The following MSH4 variants were observed in gnomAD, a reference collection of about 807,000 sequenced individuals.
The protein encoded by MSH4 is mutS protein homolog 4.
MSH4 carries 106 observed loss-of-function variants against 113.7 expected under a neutral mutation model. That is an observed-to-expected ratio of 0.93 (90% CI 0.80 to 1.10). The LOEUF (loss-of-function observed/expected upper bound fraction) is 1.10. Ranked by LOEUF, MSH4 falls within the 50% of genes least tolerant of loss-of-function variation. The pLI is 0.00. For missense variants in MSH4, 1,061 were observed against 1,093.7 expected, an observed-to-expected ratio of 0.97 and a Z score of 0.42; for synonymous variants, 368 against 380.2, an observed-to-expected ratio of 0.97 and a Z score of 0.37.
intron 2 of MSH4, among the ~76,000 whole-genome samples, chr1:75,805,584 G>T (rs936683525): frequency 6.7e-6 from 1 of 150,032 alleles, no homozygotes; most frequent in Middle Eastern, 3.5e-3. Context: ...ATGGGGTTTC[G>T]CCATGTTGGC....
At chr1:75,815,219 A>G in intron 5 of MSH4, 83 bp downstream of exon 5, 3 of 726,996 alleles carry the variant, frequency 4.1e-6, no homozygotes, top group Non-Finnish European at 6.5e-6. Flanking sequence ...AGGAAAGTAA[A>G]TAAATCTCCA....
At chr1:75,808,187 AGGTTGTCCCT>A (rs1036562877) in intron 3 of MSH4, among the ~76,000 whole-genome samples, 1 of 152,208 alleles carries the variant, frequency 6.6e-6, no homozygotes, top group African/African-American at 2.4e-5. Context: ...CAAAAGACTT[AGGTTGTCCCT>A]GGTGGTATTT....
rs892975943 is a variant in MSH4 at position 75,880,170 on chromosome 1, T to A, written c.1781+17T>A. 4.7e-6 allele frequency: 6 copies of A among 1,286,076 alleles called. No homozygotes were observed. In the African/African-American group the frequency reaches 9.1e-5, roughly 19 times the overall value. 79.7% of individuals were successfully genotyped at this position (1,286,076 alleles called of 1,614,324 possible). Reference sequence around the variant, plus strand: ...GACTTATATGTAAGAGCATTTGAAGTATTTGAATATTGAATTAAATTGGTT... The same window carrying A: ...GACTTATATGTAAGAGCATTTGAAGAATTTGAATATTGAATTAAATTGGTT... On this transcript the variant is annotated intron_variant, in intron 13 of 19. Coordinates refer to ENST00000263187, the MANE Select transcript of MSH4 (RefSeq NM_002440.4).
In MSH4 at chr1:75,797,043, T is replaced by C; in HGVS notation, c.58T>C (p.Ser20Pro). The change falls in exon 1 of 20, where the codon TCG becomes CCG. Residue 20 changes from serine (S) to proline (P), a missense_variant. Physicochemically the swap from Ser to Pro is moderately conservative, Grantham distance 74. Coordinates refer to ENST00000263187, the MANE Select transcript of MSH4 (RefSeq NM_002440.4). ...SPSAPAVSPSSGETRSPQGPR... is the reference protein window; with the variant it reads ...SPSAPAVSPSPGETRSPQGPR... ...TTCTGCCCCGGCGGTTTCCCCGTCG[T>C]CGGGAGAAACCCGCTCACCTCAGGG... The C allele has an allele frequency of 1.2e-6, 2 of 1,614,044 alleles. No individual in the cohort carries two copies. The highest frequency in any genetic ancestry group is 1.7e-6 in the Non-Finnish European group (2 of 1,179,956).
At chr1:75,848,167 T>C (rs763558769) in intron 7 of MSH4, 42 bp from the exon 8 acceptor site, 8 of 1,297,440 alleles carry the variant, frequency 6.2e-6, no homozygotes, top group Non-Finnish European at 8.9e-6. Flanking sequence ...TTTTGAACTG[T>C]ACCATAAAGT....
chr1:75,805,027 A>G (rs1650027166), intron 2 of MSH4, among the ~76,000 whole-genome samples: 3 of 151,658 alleles, frequency 2.0e-5, no homozygotes, highest in Middle Eastern at 3.4e-3. Context: ...GGGTTTTACC[A>G]TATTGGCCAG....
At chr1:75,839,828 AAC>A (rs1650913770) in intron 7 of MSH4, among the ~76,000 whole-genome samples, 1 of 147,828 alleles carries the variant, frequency 6.8e-6, no homozygotes, top group African/African-American at 2.5e-5. Context: ...ACAAGAAAAA[AAC>A]AAACAACCCC....
chr1:75,854,622 A>T (rs565475770), intron 8 of MSH4, among the ~76,000 whole-genome samples: 1 of 152,084 alleles, frequency 6.6e-6, no homozygotes, highest in Admixed American at 6.6e-5. Context: ...CACACCAACG[A>T]TGCTCTCTTC....
At position 75,912,714 on chromosome 1, in the gene MSH4, CCT is replaced by C. The variant is rs1652816434; in HGVS notation, c.2639_2640del (p.Pro880ArgfsTer14). 1 of 1,540,932 alleles carries C rather than the reference CCT, an allele frequency of 6.5e-7. No homozygotes were observed. The highest frequency in any genetic ancestry group is 1.7e-4 in the Middle Eastern group (1 of 5,886). ...RQILQNQRST[P>X]EMERQRAVYH... is the part of the protein sequence containing the mutation. ...ATGACAGCAAAACCAAAGGAGTACC[CCT>C]GAGATGGAAAGACAGAGAGCTGTGT... On this transcript the variant is annotated frameshift_variant, in exon 20 of 20. Coordinates refer to ENST00000263187, the MANE Select transcript of MSH4 (RefSeq NM_002440.4). LOFTEE classifies it high-confidence loss of function.
chr1:75,880,756 A>G (rs1428620973), intron 13 of MSH4, among the ~76,000 whole-genome samples: 9 of 151,944 alleles, frequency 5.9e-5, no homozygotes, highest in Non-Finnish European at 1.5e-5. Context: ...TTAAATAATT[A>G]TATTATTCAG....
chr1:75,868,109 A>T (rs1164914342), intron 9 of MSH4, among the ~76,000 whole-genome samples: 1 of 152,124 alleles, frequency 6.6e-6, no homozygotes, highest in African/African-American at 2.4e-5. Flanking sequence ...TCAACTTTTT[A>T]AGTAGAATTT....
intron 4 of MSH4, among the ~76,000 whole-genome samples, 164 bp downstream of exon 4, chr1:75,810,971 G>A (rs1050885783): frequency 1.3e-5 from 2 of 151,890 alleles, no homozygotes; most frequent in Non-Finnish European, 1.5e-5. Flanking sequence ...TCCCGAGTTC[G>A]AGTGATTCTC....
chr1:75,806,434 A>G (rs970713216), intron 2 of MSH4, among the ~76,000 whole-genome samples: 7 of 151,458 alleles, frequency 4.6e-5, no homozygotes, highest in Non-Finnish European at 1.0e-4. Context: ...TTTTTAGTAG[A>G]CATGGGGTTT....
chr1:75,807,206 G>C, intron 3 of MSH4, 65 bp downstream of exon 3: 1 of 1,296,116 alleles, frequency 7.7e-7, no homozygotes, highest in Admixed American at 3.0e-5. Context: ...TAAAGTCAGT[G>C]CCTTCCCAAT....
chr1:75,885,309 C>A, intron 15 of MSH4, among the ~76,000 whole-genome samples: 1 of 72,172 alleles, frequency 1.4e-5, no homozygotes, highest in Non-Finnish European at 2.6e-5. Context: ...TATATAGACT[C>A]ACACTGGGGG....
At chr1:75,874,374 T>G (rs1185102619) in intron 9 of MSH4, among the ~76,000 whole-genome samples, 1 of 152,196 alleles carries the variant, frequency 6.6e-6, no homozygotes, top group African/African-American at 2.4e-5. Flanking sequence ...GTGCCCAGGC[T>G]GGAGTACAGT....
chr1:75,853,043 G>A (rs556117968), intron 8 of MSH4, among the ~76,000 whole-genome samples: 2 of 149,014 alleles, frequency 1.3e-5, no homozygotes, highest in East Asian at 1.9e-4. Context: ...CCAGAAATTA[G>A]TAACTATTTT....
At chr1:75,880,779 T>C (rs1393961651) in intron 13 of MSH4, among the ~76,000 whole-genome samples, 1 of 151,984 alleles carries the variant, frequency 6.6e-6, no homozygotes. Context: ...ATTGTGTCTG[T>C]GTGCATGTGT....
At chr1:75,854,756 T>C (rs1565717) in intron 8 of MSH4, among the ~76,000 whole-genome samples, 113,334 of 152,026 alleles carry the variant, frequency 0.75, 42,473 homozygotes, top group East Asian at 0.98. Flanking sequence ...CTTTTTTTCT[T>C]TGCATTTGTT....
Sources: gnomAD v4.1 joint callset for allele counts (sites outside exome capture counted in the v4.1 genomes callset) on GRCh38, gnomAD v4.1.1 for gene constraint, MANE v1.5 for transcripts, NCBI Gene and HGNC (gene_info 2026-07-23, HGNC 2026-07-21) for gene names.